The following GSTA5 variants were observed in gnomAD, a reference collection of about 807,000 sequenced individuals.
The protein encoded by GSTA5 is glutathione S-transferase A5.
GSTA5 carries 25 observed loss-of-function variants against 21.8 expected under a neutral mutation model. The ratio of observed to expected loss-of-function variants is 1.14; its 90% CI spans 0.83 to 1.60. The LOEUF is 1.60. GSTA5 is among the 40% of genes most tolerant of loss of function. The pLI is 0.00. For synonymous variants in GSTA5, 102 were observed against 89.5 expected (o/e 1.14, Z -0.78); for missense variants, 330 against 259.2 (o/e 1.27, Z -1.88).
At chr6:52,834,738 G>A (rs1764269082) in intron 3 of GSTA5, among the ~76,000 whole-genome samples, 1 of 152,128 alleles carries the variant, frequency 6.6e-6, no homozygotes, top group African/African-American at 2.4e-5. Flanking sequence ...AGCCATCTCA[G>A]CCATATTTCT....
intron 1 of GSTA5, 55 bp from the exon 2 acceptor site, chr6:52,837,664 T>C: frequency 8.3e-7 from 1 of 1,211,366 alleles, no homozygotes; most frequent in East Asian, 2.3e-5. Flanking sequence ...TATAGACTTG[T>C]GATGTTGAAT....
chr6:52,837,563 C>A, exon 2 of GSTA5: 1 of 1,603,328 alleles, frequency 6.2e-7, no homozygotes, highest in Non-Finnish European at 8.5e-7. Context: ...CTTACCATTT[C>A]TTAACTTGTC....
intron 2 of GSTA5, among the ~76,000 whole-genome samples, chr6:52,837,310 A>C (rs1764307032): frequency 6.6e-6 from 1 of 152,176 alleles, no homozygotes; most frequent in African/African-American, 2.4e-5. Context: ...TGAAAACAGA[A>C]AAAGGGCTTT....
At chr6:52,845,520 A>T (rs1018345702), upstream of GSTA5, among the ~76,000 whole-genome samples, 2 of 152,222 alleles carry the variant, frequency 1.3e-5, no homozygotes, top group African/African-American at 4.8e-5. Flanking sequence ...ATTGGCCGTG[A>T]GTTGGTAGTA....
intron 1 of GSTA5, 58 bp downstream of exon 1, chr6:52,840,669 A>G: frequency 2.7e-6 from 4 of 1,454,946 alleles, no homozygotes; most frequent in Non-Finnish European, 3.9e-6. Flanking sequence ...TTCTGTGGGA[A>G]AAGTATGTGA....
At chr6:52,832,765 G>A (rs1379296893) in intron 5 of GSTA5, 94 bp downstream of exon 5, 4 of 1,579,372 alleles carry the variant, frequency 2.5e-6, no homozygotes, top group Admixed American at 3.3e-5. Context: ...GCTGGAGAAG[G>A]GTGGGGTCAA....
intron 3 of GSTA5, among the ~76,000 whole-genome samples, chr6:52,835,532 C>T (rs1764279748): frequency 6.6e-6 from 1 of 152,008 alleles, no homozygotes; most frequent in Non-Finnish European, 1.5e-5. Flanking sequence ...GGGGATATGC[C>T]TACTAGAGCA....
At chr6:52,832,878 G>T in exon 5 of GSTA5, 1 of 1,614,020 alleles carries the variant, frequency 6.2e-7, no homozygotes, top group Middle Eastern at 1.7e-4. Flanking sequence ...AGGGAAGCTG[G>T]AGATAAGACT....
chr6:52,839,074 G>T (rs1764335434), intron 1 of GSTA5, among the ~76,000 whole-genome samples: 1 of 152,152 alleles, frequency 6.6e-6, no homozygotes, highest in South Asian at 2.1e-4. Context: ...GAGGTCATGG[G>T]GGTGTGTGCC....
chr6:52,836,093 T>G (rs766487400), intron 3 of GSTA5, 143 bp downstream of exon 3: 1 of 831,628 alleles, frequency 1.2e-6, no homozygotes, highest in Non-Finnish European at 1.9e-6. Flanking sequence ...TCCATGGGAC[T>G]CTGCAATACT....
At chr6:52,836,764 A>C (rs1764299829) in intron 2 of GSTA5, among the ~76,000 whole-genome samples, 1 of 152,190 alleles carries the variant, frequency 6.6e-6, no homozygotes, top group South Asian at 2.1e-4. Context: ...CACCCGCCTC[A>C]GCCTCTCGAA....
At position 52,840,713 on chromosome 6, in the gene GSTA5, T is replaced by A. The variant is rs530047934; in HGVS notation, c.87+14A>T. 2.3e-5 allele frequency: 37 copies of A among 1,611,032 alleles called. No individual in the cohort carries two copies. Among genetic ancestry groups the A allele is most frequent in the Non-Finnish European group, 2.9e-5 (34 of 1,177,574 alleles). ...TTTTAAATCCAACTTAAGATGACCT[T>A]ACTCAGAACCTACCTCTACTCCAGC... On this transcript the variant is annotated intron_variant, in intron 1 of 5. Transcript: ENST00000370989.
At chr6:52,832,961 A>G (rs1213354557) in exon 5 of GSTA5, 3 of 1,614,110 alleles carry the variant, frequency 1.9e-6, no homozygotes, top group Non-Finnish European at 8.5e-7. Context: ...TGTTGCCAAC[A>G]AGGTAGTCTT....
At chr6:52,841,345 C>T (rs544314428), upstream of GSTA5, among the ~76,000 whole-genome samples, 1 of 152,304 alleles carries the variant, frequency 6.6e-6, no homozygotes, top group African/African-American at 2.4e-5. Flanking sequence ...GAAGTCACGC[C>T]TGGAAGACAT....
At chr6:52,836,480 T>C in intron 2 of GSTA5, 112 bp from the exon 3 acceptor site, 1 of 1,120,282 alleles carries the variant, frequency 8.9e-7, no homozygotes. Context: ...AAGAAATTAT[T>C]GCCTGTTAAG....
At chr6:52,832,973 T>C (rs1036658059) in exon 5 of GSTA5, 2 of 1,613,982 alleles carry the variant, frequency 1.2e-6, no homozygotes, top group Admixed American at 3.3e-5. Context: ...GGTAGTCTTG[T>C]CTGTGGCTCT....
upstream of GSTA5, among the ~76,000 whole-genome samples, chr6:52,844,416 T>C (rs1190000681): frequency 6.6e-6 from 1 of 152,232 alleles, no homozygotes; most frequent in African/African-American, 2.4e-5. Flanking sequence ...TGAAAGTGTG[T>C]CTTTCTCTAC....
chr6:52,845,041 T>C (rs1167793257), upstream of GSTA5, among the ~76,000 whole-genome samples: 2 of 152,232 alleles, frequency 1.3e-5, no homozygotes, highest in African/African-American at 2.4e-5. Context: ...TAGATCTCTA[T>C]ATTTTGTCCA....
At chr6:52,833,634 C>A (rs1252417791) in intron 4 of GSTA5, among the ~76,000 whole-genome samples, 2 of 152,224 alleles carry the variant, frequency 1.3e-5, no homozygotes, top group South Asian at 4.1e-4. Context: ...CTATAAAATG[C>A]ATTTTAAAGA....
Sources: gnomAD v4.1 joint callset for allele counts (sites outside exome capture counted in the v4.1 genomes callset) on GRCh38, gnomAD v4.1.1 for gene constraint, MANE v1.5 for transcripts, NCBI Gene and HGNC (gene_info 2026-07-23, HGNC 2026-07-21) for gene names.